NRG2: variants seen among roughly 807,000 people sequenced by gnomAD.
NRG2 encodes the protein neuregulin 2, also known as pro-neuregulin-2, membrane-bound isoform.
NRG2 carries 27 observed loss-of-function variants against 73.9 expected under a neutral mutation model. The observed-to-expected ratio is 0.37, with a 90% CI of 0.27 to 0.50. NRG2 has a LOEUF of 0.50. Ranked by LOEUF, NRG2 falls within the 20% of genes least tolerant of loss-of-function variation. NRG2 has a pLI of 0.96. For missense variants in NRG2, 1,126 were observed against 1,210.1 expected (o/e 0.93, Z 1.03); for synonymous variants, 532 against 541.0 (o/e 0.98, Z 0.23).
chr5:139,863,598 CCGGGAGG>C (rs1762288692), intron 5 of NRG2, among the ~76,000 whole-genome samples: 1 of 152,226 alleles, frequency 6.6e-6, no homozygotes, highest in Non-Finnish European at 1.5e-5. Context: ...TCTCACAAGC[CCGGGAGG>C]CTCTCTGCCG....
At chr5:139,967,757 G>C (rs1362737335) in intron 1 of NRG2, among the ~76,000 whole-genome samples, 1 of 151,990 alleles carries the variant, frequency 6.6e-6, no homozygotes. Context: ...GTGGGAGATC[G>C]AGACCATTCT....
At chr5:139,987,367 C>CA (rs34895532) in intron 1 of NRG2, among the ~76,000 whole-genome samples, 9,746 of 31,894 alleles carry the variant, frequency 0.31, 1,545 homozygotes, top group Non-Finnish European at 0.37. Context: ...GACTCTGTCT[C>CA]AAAAAAAAAA....
chr5:139,987,770 TTG>T (rs1164732656), intron 1 of NRG2, among the ~76,000 whole-genome samples: 3 of 149,590 alleles, frequency 2.0e-5, no homozygotes, highest in Non-Finnish European at 1.5e-5. Context: ...TTTCTGCAGG[TTG>T]TTTTTTTTTT....
chr5:139,929,740 C>T (rs1752324339), intron 1 of NRG2, among the ~76,000 whole-genome samples: 1 of 152,176 alleles, frequency 6.6e-6, no homozygotes, highest in Non-Finnish European at 1.5e-5. Flanking sequence ...AGATTGGATG[C>T]CGTGACTTCT....
At chr5:139,974,667 C>A (rs1271753625) in intron 1 of NRG2, among the ~76,000 whole-genome samples, 1 of 152,168 alleles carries the variant, frequency 6.6e-6, no homozygotes, top group African/African-American at 2.4e-5. Context: ...CCTCCTCTTC[C>A]TCCTTGGCTG....
At chr5:139,975,095 G>A (rs1188423905) in intron 1 of NRG2, among the ~76,000 whole-genome samples, 1 of 152,196 alleles carries the variant, frequency 6.6e-6, no homozygotes, top group Non-Finnish European at 1.5e-5. Context: ...ACATGTGCAC[G>A]AATGTGCAGG....
At chr5:139,925,967 G>A (rs1041707161) in intron 1 of NRG2, among the ~76,000 whole-genome samples, 2 of 152,178 alleles carry the variant, frequency 1.3e-5, no homozygotes, top group African/African-American at 2.4e-5. Context: ...TGGCTGCCCA[G>A]GCAACTTTAT....
intron 1 of NRG2, among the ~76,000 whole-genome samples, chr5:140,036,598 C>A (rs1466244518): frequency 6.6e-6 from 1 of 152,180 alleles, no homozygotes; most frequent in Non-Finnish European, 1.5e-5. Context: ...TTGCCTGTAT[C>A]ATCTCTTGAA....
At chr5:139,969,424 A>G (rs777767412) in intron 1 of NRG2, among the ~76,000 whole-genome samples, 2 of 152,246 alleles carry the variant, frequency 1.3e-5, no homozygotes, top group Non-Finnish European at 1.5e-5. Flanking sequence ...GCCTCCATGA[A>G]AGGAGCGTTT....
At chr5:139,970,043 G>A (rs948334355) in intron 1 of NRG2, among the ~76,000 whole-genome samples, 8 of 152,096 alleles carry the variant, frequency 5.3e-5, no homozygotes, top group African/African-American at 1.4e-4. Flanking sequence ...AAGACAAACC[G>A]AATAACCTTT....
chr5:139,984,257 A>G (rs1318700810), intron 1 of NRG2, among the ~76,000 whole-genome samples: 1 of 152,202 alleles, frequency 6.6e-6, no homozygotes, highest in Non-Finnish European at 1.5e-5. Flanking sequence ...TAAATGGCCT[A>G]CACTTGGGAA....
At chr5:140,013,415 G>T (rs1759524255) in intron 1 of NRG2, among the ~76,000 whole-genome samples, 1 of 152,142 alleles carries the variant, frequency 6.6e-6, no homozygotes, top group Non-Finnish European at 1.5e-5. Context: ...CAGAGTTTCA[G>T]TTCAGAAAGA....
chr5:139,966,823 A>G (rs889092277), intron 1 of NRG2, among the ~76,000 whole-genome samples: 1 of 152,150 alleles, frequency 6.6e-6, no homozygotes, highest in Non-Finnish European at 1.5e-5. Context: ...CTTGTGATTT[A>G]GAAGCTTCCC....
At chr5:139,932,072 A>G (rs1752502347) in intron 1 of NRG2, among the ~76,000 whole-genome samples, 1 of 152,226 alleles carries the variant, frequency 6.6e-6, no homozygotes, top group Admixed American at 6.5e-5. Context: ...TGACCCAGAA[A>G]TCCCCCTTTT....
Position 139,868,385 on chromosome 5 carries a change from A to C in NRG2, c.1113-2760T>G, listed in dbSNP as rs1762624394. On this transcript the variant is annotated intron_variant, in intron 4 of 9. Coordinates refer to ENST00000361474, the MANE Select transcript of NRG2 (RefSeq NM_004883.3). The surrounding 1 kb of genome is among the most constrained non-coding windows in gnomAD (Gnocchi z 4.2). ...ACCAGGTTGGGAGTCTGAACTCAGC[A>C]TTGGGGGCTGGGTGGTGGTTGGTGG... Among the ~76,000 whole-genome samples, 1 of 152,072 alleles carries C rather than the reference A, an allele frequency of 6.6e-6. No individual in the cohort carries two copies. The highest frequency in any genetic ancestry group is 2.1e-4 in the South Asian group (1 of 4,822).
At chr5:139,941,276 AAC>A (rs1017372504) in intron 1 of NRG2, among the ~76,000 whole-genome samples, 4 of 152,194 alleles carry the variant, frequency 2.6e-5, no homozygotes, top group African/African-American at 9.7e-5. Flanking sequence ...GCACAAGACA[AAC>A]ACAAAAATTT....
intron 1 of NRG2, among the ~76,000 whole-genome samples, chr5:139,897,825 G>A (rs939940273): frequency 1.4e-4 from 22 of 152,172 alleles, no homozygotes; most frequent in African/African-American, 5.1e-4. Context: ...TAGAATGGCA[G>A]AGCAGATAAT....
intron 3 of NRG2, among the ~76,000 whole-genome samples, chr5:139,875,309 C>A (rs1030856271): frequency 4.6e-5 from 7 of 152,210 alleles, no homozygotes; most frequent in East Asian, 1.9e-4. Flanking sequence ...CCGTGCCCAG[C>A]CAACTGTTTG....
intron 1 of NRG2, among the ~76,000 whole-genome samples, chr5:139,935,147 G>T (rs183529390): frequency 6.6e-6 from 1 of 152,078 alleles, no homozygotes; most frequent in African/African-American, 2.4e-5. Context: ...CAGCCTGGGC[G>T]ACAGAGCGAG....
Sources: gnomAD v4.1 joint callset for allele counts (sites outside exome capture counted in the v4.1 genomes callset) on GRCh38, gnomAD v4.1.1 for gene constraint, Gnocchi (gnomAD v3.1) non-coding constraint, MANE v1.5 for transcripts, NCBI Gene and HGNC (gene_info 2026-07-23, HGNC 2026-07-21) for gene names.